Variants in SORCS2 observed in about 807,000 individuals in gnomAD.
SORCS2 encodes sortilin related VPS10 domain containing receptor 2, also known as VPS10 domain-containing receptor SorCS2.
Under a neutral mutation model 141.6 loss-of-function variants are expected in SORCS2, and 100 were observed. That is an observed-to-expected ratio of 0.71 (90% CI 0.60 to 0.83). SORCS2 has a LOEUF of 0.83. Among genes scored for constraint, SORCS2 ranks in the 40% least tolerant of loss-of-function variants. The probability of loss-of-function intolerance (pLI) is 0.00; values close to 1 mark genes in which losing one functional copy is unlikely to be tolerated. For synonymous variants in SORCS2, 789 were observed against 676.9 expected (o/e 1.17, Z -2.57); for missense variants, 1,646 against 1,560.2 (o/e 1.05, Z -0.93).
intron 3 of SORCS2, among the ~76,000 whole-genome samples, chr4:7,560,141 A>G (rs1190796943): frequency 2.6e-5 from 4 of 152,218 alleles, no homozygotes; most frequent in African/African-American, 7.2e-5. Context: ...TGCCAAGCCC[A>G]CGGAAATGGC....
At chr4:7,532,096 C>G (rs568172783) in intron 3 of SORCS2, among the ~76,000 whole-genome samples, 9 of 152,338 alleles carry the variant, frequency 5.9e-5, no homozygotes, top group African/African-American at 2.2e-4. Context: ...AACTTCCTGA[C>G]TTTGCTCTCT....
intron 1 of SORCS2, among the ~76,000 whole-genome samples, chr4:7,349,299 C>T (rs576740150): frequency 2.1e-4 from 32 of 152,280 alleles, no homozygotes; most frequent in Middle Eastern, 3.4e-3. Flanking sequence ...TGATTCTGGA[C>T]GGCTGCAGGT....
chr4:7,570,914 G>A (rs552612842), intron 3 of SORCS2, among the ~76,000 whole-genome samples: 97 of 152,284 alleles, frequency 6.4e-4, no homozygotes, highest in African/African-American at 2.1e-3. Context: ...GGGAGGGGCC[G>A]AGTCTCCTGG....
chr4:7,369,061 C>G (rs1457600331), intron 1 of SORCS2, among the ~76,000 whole-genome samples: 1 of 152,176 alleles, frequency 6.6e-6, no homozygotes, highest in African/African-American at 2.4e-5. Context: ...AATCTCAGTA[C>G]TTTGGGAGGT....
chr4:7,464,974 G>T (rs1003906042), intron 2 of SORCS2, among the ~76,000 whole-genome samples: 4 of 152,250 alleles, frequency 2.6e-5, no homozygotes, highest in Non-Finnish European at 5.9e-5. Context: ...AGGCCACGTG[G>T]TGTCCTGACC....
intron 2 of SORCS2, among the ~76,000 whole-genome samples, chr4:7,495,141 C>G: frequency 6.6e-6 from 1 of 152,340 alleles, no homozygotes; most frequent in Non-Finnish European, 1.5e-5. Context: ...GCTTAGAAAC[C>G]GTGTGGCCAT....
chr4:7,714,146 C>G, intron 15 of SORCS2, 94 bp from the exon 16 acceptor site: 1 of 1,479,816 alleles, frequency 6.8e-7, no homozygotes, highest in Non-Finnish European at 9.0e-7. Flanking sequence ...GAGCCATCAG[C>G]CATCTTCAGG....
At chr4:7,605,022 C>G (rs1371252022) in intron 3 of SORCS2, among the ~76,000 whole-genome samples, 1 of 152,210 alleles carries the variant, frequency 6.6e-6, no homozygotes, top group Non-Finnish European at 1.5e-5. Context: ...ACCAGAGTGA[C>G]TTAATCAGGA....
At chr4:7,674,401 G>T (rs991237751) in intron 8 of SORCS2, among the ~76,000 whole-genome samples, 1 of 150,466 alleles carries the variant, frequency 6.6e-6, no homozygotes. Context: ...GTGAAACCCC[G>T]TCTCTACTAA....
At chr4:7,253,065 C>T (rs1303545894) in intron 1 of SORCS2, among the ~76,000 whole-genome samples, 1 of 152,208 alleles carries the variant, frequency 6.6e-6, no homozygotes, top group African/African-American at 2.4e-5. Flanking sequence ...CTGGGCTCAG[C>T]CCCCCATGGC....
rs1331542407 is a variant in SORCS2, at chr4:7,532,959, G to A, written c.648+1330G>A. Among the ~76,000 whole-genome samples, 3 of 152,160 alleles carry A rather than the reference G, an allele frequency of 2.0e-5. No individual in the cohort carries two copies. In the South Asian group the frequency reaches 6.2e-4, roughly 32 times the overall value. Reference sequence around the variant, plus strand: ...GGGACACGAGAGGCGCCTGCTGGAAGGCCATGTCTCGGCGTGTAGGGAAGA... The same window carrying A: ...GGGACACGAGAGGCGCCTGCTGGAAAGCCATGTCTCGGCGTGTAGGGAAGA... On this transcript the variant is annotated intron_variant, in intron 3 of 26. Coordinates refer to ENST00000507866, the MANE Select transcript of SORCS2 (RefSeq NM_020777.3).
At chr4:7,646,902 C>T (rs1721119002) in intron 4 of SORCS2, among the ~76,000 whole-genome samples, 2 of 152,150 alleles carry the variant, frequency 1.3e-5, no homozygotes, top group African/African-American at 2.4e-5. Context: ...GGCACATGCG[C>T]GTTTTGGGAT....
At chr4:7,724,150 G>GGTGTTGGTGGTGGTGATA (rs1553808164) in intron 19 of SORCS2, among the ~76,000 whole-genome samples, 1 of 135,394 alleles carries the variant, frequency 7.4e-6, no homozygotes, top group Admixed American at 7.1e-5. Context: ...TGATGGTCGT[G>GGTGTTGGTGGTGGTGATA]GTGGTGGTGG....
intron 10 of SORCS2, among the ~76,000 whole-genome samples, chr4:7,683,683 C>G (rs1267709076): frequency 6.6e-6 from 1 of 152,170 alleles, no homozygotes; most frequent in South Asian, 2.1e-4. Context: ...TTCTAATCTG[C>G]CATGGAGGGC....
rs551450389 is a variant in SORCS2 at position 7,538,332 on chromosome 4, T to C, written c.648+6703T>C. Among the ~76,000 whole-genome samples, 13 of 152,280 alleles carry C rather than the reference T, an allele frequency of 8.5e-5. No individual in the cohort carries two copies. In the East Asian group the frequency reaches 2.3e-3, roughly 27 times the overall value. On this transcript the variant is annotated intron_variant, in intron 3 of 26. Transcript: ENST00000507866. ...CTGGCCAGGCAGCCTACTATTGTCATGGCTGGACCCAAGGCCCTGGGGGCC... is the reference window on the plus strand; with the variant it reads ...CTGGCCAGGCAGCCTACTATTGTCACGGCTGGACCCAAGGCCCTGGGGGCC...
At chr4:7,393,895 G>T (rs992508483) in intron 1 of SORCS2, among the ~76,000 whole-genome samples, 1 of 152,158 alleles carries the variant, frequency 6.6e-6, no homozygotes, top group East Asian at 1.9e-4. Context: ...CGTGGAACCC[G>T]GGTGGTCTGA....
chr4:7,609,793 G>T (rs1718291412), intron 3 of SORCS2, among the ~76,000 whole-genome samples: 1 of 152,222 alleles, frequency 6.6e-6, no homozygotes, highest in African/African-American at 2.4e-5. Context: ...GGTCTCCGCT[G>T]CGCACTCTCA....
intron 8 of SORCS2, among the ~76,000 whole-genome samples, chr4:7,674,805 GAA>G (rs113543508): frequency 1.9e-3 from 213 of 112,616 alleles, no homozygotes; most frequent in African/African-American, 4.9e-3. Flanking sequence ...TTATTGTACA[GAA>G]AAAAAAAAAA....
chr4:7,312,995 G>A (rs558724351), intron 1 of SORCS2, among the ~76,000 whole-genome samples: 1 of 152,342 alleles, frequency 6.6e-6, no homozygotes, highest in African/African-American at 2.4e-5. Context: ...CCAAGGCCTC[G>A]GGAACAGCAT....
Sources: gnomAD v4.1 joint callset for allele counts (sites outside exome capture counted in the v4.1 genomes callset) on GRCh38, gnomAD v4.1.1 for gene constraint, MANE v1.5 for transcripts, NCBI Gene and HGNC (gene_info 2026-07-23, HGNC 2026-07-21) for gene names.